The following FAM174A variants were observed in gnomAD, a reference collection of about 807,000 sequenced individuals.
FAM174A encodes membrane protein FAM174A.
Under a neutral mutation model 14.3 loss-of-function variants are expected in FAM174A, and 14 were observed. The observed-to-expected ratio is 0.98, with a 90% CI of 0.65 to 1.53. The LOEUF is 1.53. FAM174A is among the 40% of genes most tolerant of loss of function. The probability of loss-of-function intolerance (pLI) is 0.00; values close to 1 mark genes in which losing one functional copy is unlikely to be tolerated. For missense variants in FAM174A, 241 were observed against 249.6 expected, an observed-to-expected ratio of 0.97 and a Z score of 0.23; for synonymous variants, 108 against 111.4, an observed-to-expected ratio of 0.97 and a Z score of 0.19.
intron 1 of FAM174A, among the ~76,000 whole-genome samples, chr5:100,557,951 G>A (rs969475467): frequency 1.7e-4 from 26 of 152,140 alleles, no homozygotes; most frequent in African/African-American, 6.3e-4. Context: ...GTTCTGCTCT[G>A]ATCTTAGTTA....
rs192774471 is a variant in FAM174A, at chr5:100,545,511, C to A, written c.434+9547C>A. ...TTTTGGTTGGCATGTAATGTCAATT[C>A]TTTCTGTGTAGCCAAACTGTATTAT... is the stretch of plus-strand genomic sequence containing the variant. On this transcript the variant is annotated intron_variant, in intron 1 of 2. Coordinates refer to ENST00000312637, the MANE Select transcript of FAM174A (RefSeq NM_198507.3). Among the ~76,000 whole-genome samples, 498 of 151,802 alleles carry A rather than the reference C, an allele frequency of 3.3e-3. 4 individuals carry two copies. The highest frequency in any genetic ancestry group is 0.011 in the African/African-American group (465 of 41,404).
At chr5:100,577,368 A>C (rs1746923411) in intron 2 of FAM174A, among the ~76,000 whole-genome samples, 1 of 152,084 alleles carries the variant, frequency 6.6e-6, no homozygotes, top group Admixed American at 6.6e-5. Flanking sequence ...ATGTAACTTA[A>C]AAAGCCCTAA....
intron 2 of FAM174A, among the ~76,000 whole-genome samples, chr5:100,568,711 G>T (rs1746714907): frequency 6.7e-6 from 1 of 150,266 alleles, no homozygotes; most frequent in African/African-American, 2.5e-5. Context: ...TTAAAGAATT[G>T]CTTTGCTTAA....
In FAM174A at chr5:100,586,203, A is replaced by G; in HGVS notation, c.*19A>G. On this transcript the variant is annotated 3_prime_UTR_variant, in exon 3 of 3. Coordinates refer to ENST00000312637, the MANE Select transcript of FAM174A (RefSeq NM_198507.3). ...CAGATAAGAATGTGCCTTTTGATGA[A>G]AGAACTTTATCTTTCTACAATGAAG... 1 of 1,415,054 alleles carries G rather than the reference A, an allele frequency of 7.1e-7. No homozygotes were observed. Among genetic ancestry groups the G allele is most frequent in the Admixed American group, 1.9e-5 (1 of 51,464 alleles). The allele number at this position is 1,415,054 out of a possible 1,614,324, so 87.7% of individuals were successfully genotyped here. A position where few individuals can be genotyped will look rare whatever the true frequency, so the allele number is the denominator to read the frequency against.
intron 1 of FAM174A, among the ~76,000 whole-genome samples, chr5:100,545,779 T>C (rs1746153509): frequency 1.3e-5 from 2 of 152,188 alleles, no homozygotes; most frequent in Admixed American, 1.3e-4. Flanking sequence ...CTGAAATCTA[T>C]AGAACATAAA....
At position 100,575,572 on chromosome 5, in the gene FAM174A, A is replaced by G. The variant is rs111343114; in HGVS notation, c.570-10609A>G. On this transcript the variant is annotated intron_variant, in intron 2 of 2. Coordinates refer to ENST00000312637, the MANE Select transcript of FAM174A (RefSeq NM_198507.3). ...CAGCTTCATCCATGTCCCTAAAACC[A>G]TAAAAACCCTAGAAGAAAACCTAGG... 3.4e-3 allele frequency among the ~76,000 whole-genome samples: 513 copies of G among 152,292 alleles called. 4 individuals are homozygous for G. Among genetic ancestry groups the G allele is most frequent in the African/African-American group, 0.012 (488 of 41,562 alleles).
At chr5:100,585,740 T>A (rs755496581) in intron 2 of FAM174A, among the ~76,000 whole-genome samples, 5 of 152,128 alleles carry the variant, frequency 3.3e-5, no homozygotes, top group Admixed American at 1.3e-4. Flanking sequence ...AACTATGTAG[T>A]TCATTGTAAT....
intron 2 of FAM174A, among the ~76,000 whole-genome samples, chr5:100,563,899 A>C (rs535066690): frequency 6.6e-6 from 1 of 152,068 alleles, no homozygotes; most frequent in East Asian, 1.9e-4. Flanking sequence ...CCTCCAGGCC[A>C]AATCTCATGT....
At chr5:100,563,593 A>G (rs1226901923) in intron 2 of FAM174A, among the ~76,000 whole-genome samples, 1 of 151,832 alleles carries the variant, frequency 6.6e-6, no homozygotes, top group Non-Finnish European at 1.5e-5. Flanking sequence ...ATCTAGACAG[A>G]AAATCAATAA....
At chr5:100,561,453 A>T (rs1746520720) in intron 1 of FAM174A, among the ~76,000 whole-genome samples, 1 of 152,002 alleles carries the variant, frequency 6.6e-6, no homozygotes, top group Admixed American at 6.6e-5. Context: ...CTGATCTCAG[A>T]TAATGGTTTA....
chr5:100,564,518 C>T (rs1476946347), intron 2 of FAM174A, among the ~76,000 whole-genome samples: 2 of 151,004 alleles, frequency 1.3e-5, no homozygotes, highest in Non-Finnish European at 3.0e-5. Context: ...ATTAGCAGAA[C>T]GAGGGAAATA....
At chr5:100,572,757 G>T (rs1473195227) in intron 2 of FAM174A, among the ~76,000 whole-genome samples, 2 of 152,106 alleles carry the variant, frequency 1.3e-5, no homozygotes, top group African/African-American at 4.8e-5. Context: ...AGTCCTTTGG[G>T]TATATACCCA....
At chr5:100,570,684 A>G (rs1746760472) in intron 2 of FAM174A, among the ~76,000 whole-genome samples, 1 of 152,008 alleles carries the variant, frequency 6.6e-6, no homozygotes, top group Non-Finnish European at 1.5e-5. Flanking sequence ...GGGAATTAAG[A>G]TTGCTAATAG....
intron 1 of FAM174A, among the ~76,000 whole-genome samples, chr5:100,553,777 A>G (rs907055457): frequency 3.3e-5 from 5 of 152,184 alleles, no homozygotes; most frequent in African/African-American, 1.2e-4. Context: ...GTTCAAACCA[A>G]TGCAGCCAAA....
intron 1 of FAM174A, among the ~76,000 whole-genome samples, chr5:100,555,500 C>T (rs1746356623): frequency 6.6e-6 from 1 of 152,040 alleles, no homozygotes; most frequent in Non-Finnish European, 1.5e-5. Context: ...TGAGGAATCG[C>T]CACACTGACT....
At chr5:100,573,648 G>A (rs1746840236) in intron 2 of FAM174A, among the ~76,000 whole-genome samples, 1 of 150,446 alleles carries the variant, frequency 6.6e-6, no homozygotes, top group African/African-American at 2.5e-5. Flanking sequence ...TGGCCATACT[G>A]CCCAAGGTAA....
At chr5:100,542,255 G>A (rs1318671935) in intron 1 of FAM174A, among the ~76,000 whole-genome samples, 7 of 152,066 alleles carry the variant, frequency 4.6e-5, no homozygotes, top group South Asian at 2.1e-4. Context: ...AACTTCTTAC[G>A]GGATAGATGA....
At chr5:100,538,280 G>A (rs1218848865) in intron 1 of FAM174A, among the ~76,000 whole-genome samples, 1 of 152,006 alleles carries the variant, frequency 6.6e-6, no homozygotes, top group East Asian at 1.9e-4. Flanking sequence ...TTAGTTATTT[G>A]TGCCAAGGGA....
intron 2 of FAM174A, among the ~76,000 whole-genome samples, chr5:100,583,073 A>G (rs1375749001): frequency 1.3e-5 from 2 of 152,162 alleles, no homozygotes; most frequent in Non-Finnish European, 2.9e-5. Flanking sequence ...AAAGCATGCT[A>G]AAGAAAAGAA....
Sources: gnomAD v4.1 joint callset for allele counts (sites outside exome capture counted in the v4.1 genomes callset) on GRCh38, gnomAD v4.1.1 for gene constraint, MANE v1.5 for transcripts, NCBI Gene and HGNC (gene_info 2026-07-23, HGNC 2026-07-21) for gene names.